Variants in MACROD2 observed in about 807,000 individuals in gnomAD.
The protein encoded by MACROD2 is ADP-ribose glycohydrolase MACROD2.
A neutral mutation model predicts 70.4 loss-of-function variants in MACROD2; 36 were observed. The ratio of observed to expected loss-of-function variants is 0.51; its 90% CI spans 0.39 to 0.68. MACROD2 has a LOEUF of 0.68. MACROD2 is among the 30% of genes least tolerant of loss of function. MACROD2 has a pLI of 0.00. For synonymous variants in MACROD2, 172 were observed against 178.8 expected, an observed-to-expected ratio of 0.96 and a Z score of 0.30; for missense variants, 496 against 538.4, an observed-to-expected ratio of 0.92 and a Z score of 0.78.
Position 14,293,499 on chromosome 20 carries a change from T to C in MACROD2, c.272-199980T>C, listed in dbSNP as rs117119760. On this transcript the variant is annotated intron_variant, in intron 3 of 17. Coordinates refer to ENST00000684519, the MANE Select transcript of MACROD2 (RefSeq NM_001351661.2). Reference sequence around the variant, plus strand: ...CGAGAAGGAGTTAGCCATGTGAAGATCTGGGGGAAAAAGATCTATTTCAAG... The same window carrying C: ...CGAGAAGGAGTTAGCCATGTGAAGACCTGGGGGAAAAAGATCTATTTCAAG... 5.0e-3 allele frequency among the ~76,000 whole-genome samples: 755 copies of C among 151,760 alleles called. 5 individuals carry two copies. The highest frequency in any genetic ancestry group is 9.4e-3 in the South Asian group (45 of 4,806).
chr20:15,590,059 G>A (rs957370951), intron 8 of MACROD2, among the ~76,000 whole-genome samples: 6 of 152,086 alleles, frequency 3.9e-5, no homozygotes, highest in African/African-American at 1.4e-4. Flanking sequence ...AGAAAACCCA[G>A]AAGTAGCCTT....
intron 6 of MACROD2, among the ~76,000 whole-genome samples, chr20:15,312,448 G>A (rs1404152366): frequency 6.6e-6 from 1 of 152,200 alleles, no homozygotes; most frequent in South Asian, 2.1e-4. Context: ...TAAGTTCATA[G>A]ATCAGATGAT....
chr20:14,923,795 A>AG (rs1324301547), intron 5 of MACROD2, among the ~76,000 whole-genome samples: 29 of 2,534 alleles, frequency 0.011, no homozygotes, highest in South Asian at 0.045. Flanking sequence ...GCGTTGGGGG[A>AG]GGGGGGGGCG....
At chr20:14,118,553 A>G (rs896458827) in intron 3 of MACROD2, among the ~76,000 whole-genome samples, 1 of 152,170 alleles carries the variant, frequency 6.6e-6, no homozygotes, top group African/African-American at 2.4e-5. Flanking sequence ...ATATTTCAAC[A>G]CGAATGGGGA....
chr20:15,787,595 A>G (rs1417691385), intron 8 of MACROD2, among the ~76,000 whole-genome samples: 1 of 152,126 alleles, frequency 6.6e-6, no homozygotes, highest in Admixed American at 6.5e-5. Flanking sequence ...GCTTAGGGTA[A>G]TGGCCTCCAG....
chr20:14,801,612 C>G (rs2072576584), intron 5 of MACROD2, among the ~76,000 whole-genome samples: 1 of 151,980 alleles, frequency 6.6e-6, no homozygotes, highest in Non-Finnish European at 1.5e-5. Flanking sequence ...ATCAGAAAAA[C>G]CAAGCATATT....
At chr20:14,582,580 G>A (rs1165752198) in intron 4 of MACROD2, among the ~76,000 whole-genome samples, 1 of 152,136 alleles carries the variant, frequency 6.6e-6, no homozygotes, top group African/African-American at 2.4e-5. Flanking sequence ...TGGAATGGGA[G>A]AGATTTTTGC....
intron 10 of MACROD2, among the ~76,000 whole-genome samples, chr20:15,920,750 T>C (rs1189309425): frequency 6.6e-6 from 1 of 152,188 alleles, no homozygotes; most frequent in South Asian, 2.1e-4. Flanking sequence ...CTGCTAGCTA[T>C]GGGTGCTTTG....
chr20:15,584,970 G>A (rs2048577386), intron 8 of MACROD2, among the ~76,000 whole-genome samples: 1 of 152,154 alleles, frequency 6.6e-6, no homozygotes, highest in African/African-American at 2.4e-5. Context: ...GGGCTGGTTG[G>A]CACCAGTCTT....
intron 3 of MACROD2, among the ~76,000 whole-genome samples, chr20:14,446,121 CAG>C (rs2084179359): frequency 6.6e-6 from 1 of 152,086 alleles, no homozygotes; most frequent in African/African-American, 2.4e-5. Context: ...ATGACCCATC[CAG>C]AGTCTCTACC....
At chr20:14,005,582 G>C (rs1014293698) in intron 2 of MACROD2, among the ~76,000 whole-genome samples, 5 of 151,994 alleles carry the variant, frequency 3.3e-5, no homozygotes, top group African/African-American at 7.2e-5. Flanking sequence ...TAATCTACAA[G>C]GGACAATTCT....
At chr20:14,068,128 G>C (rs1403150434) in intron 2 of MACROD2, among the ~76,000 whole-genome samples, 1 of 152,060 alleles carries the variant, frequency 6.6e-6, no homozygotes, top group Non-Finnish European at 1.5e-5. Context: ...TTTTTCTCTT[G>C]AGTGCTCGCC....
At chr20:14,079,031 C>T (rs1300395508) in intron 2 of MACROD2, among the ~76,000 whole-genome samples, 1 of 152,132 alleles carries the variant, frequency 6.6e-6, no homozygotes, top group African/African-American at 2.4e-5. Context: ...TTGTGTGTCA[C>T]AAAAATAACC....
intron 5 of MACROD2, among the ~76,000 whole-genome samples, chr20:15,181,126 C>T (rs551728225): frequency 2.0e-4 from 31 of 152,190 alleles, no homozygotes; most frequent in Non-Finnish European, 1.5e-4. Flanking sequence ...CTGCAGAACC[C>T]GAGTATAGAA....
At chr20:15,346,150 A>C (rs1206968625) in intron 6 of MACROD2, among the ~76,000 whole-genome samples, 1 of 151,850 alleles carries the variant, frequency 6.6e-6, no homozygotes, top group Non-Finnish European at 1.5e-5. Context: ...TGGCATAATC[A>C]TAGCTTGCTC....
chr20:15,636,990 T>C (rs1026791676), intron 8 of MACROD2, among the ~76,000 whole-genome samples: 1 of 152,194 alleles, frequency 6.6e-6, no homozygotes, highest in African/African-American at 2.4e-5. Flanking sequence ...TGAAGGTGTT[T>C]TGTGCAAAGG....
rs139191956 is a variant in MACROD2 at position 14,545,382 on chromosome 20, G to A, written c.301+51874G>A. ...TGTGTGCATTTAGCTAGCAGCCTTG[G>A]TCTCAGGTGATCTAGTCATTACAGC... On this transcript the variant is annotated intron_variant, in intron 4 of 17. Coordinates refer to ENST00000684519, the MANE Select transcript of MACROD2 (RefSeq NM_001351661.2). Among the ~76,000 whole-genome samples the A allele has an allele frequency of 7.9e-5, 12 of 152,202 alleles. No individual in the cohort carries two copies. The East Asian group carries it at 2.3e-3, about 29-fold the overall frequency.
At chr20:15,495,268 A>G (rs2047283260) in intron 7 of MACROD2, among the ~76,000 whole-genome samples, 1 of 152,172 alleles carries the variant, frequency 6.6e-6, no homozygotes, top group African/African-American at 2.4e-5. Context: ...GAGGTCTTGT[A>G]GTTAAGTGGA....
intron 3 of MACROD2, among the ~76,000 whole-genome samples, chr20:14,089,661 G>T (rs2054122802): frequency 6.6e-6 from 1 of 152,122 alleles, no homozygotes; most frequent in South Asian, 2.1e-4. Context: ...AACAGATTTT[G>T]CAGGCATTAT....
Sources: allele counts gnomAD v4.1 joint callset (sites outside exome capture counted in the v4.1 genomes callset), GRCh38; gene constraint gnomAD v4.1.1; transcripts MANE v1.5; gene names NCBI Gene and HGNC (gene_info 2026-07-23, HGNC 2026-07-21).